Variants in PCDH9 observed in about 807,000 individuals in gnomAD.
PCDH9 encodes protocadherin-9.
In PCDH9, 24 loss-of-function variants were observed where a neutral mutation model predicts 70.6. The observed-to-expected ratio is 0.34, with a 90% CI of 0.25 to 0.48. PCDH9 has a LOEUF of 0.48. Among genes scored for constraint, PCDH9 ranks in the 20% least tolerant of loss-of-function variants. The pLI is 0.99. For missense variants in PCDH9, 1,281 were observed against 1,503.6 expected (o/e 0.85, Z 2.45); for synonymous variants, 562 against 558.5 (o/e 1.01, Z -0.09).
chr13:67,079,670 A>G (rs1641064796), intron 2 of PCDH9, among the ~76,000 whole-genome samples: 1 of 152,272 alleles, frequency 6.6e-6, no homozygotes, highest in Non-Finnish European at 1.5e-5. Flanking sequence ...TTTGCATCAG[A>G]TTAATCTTCC....
intron 3 of PCDH9, among the ~76,000 whole-genome samples, chr13:66,712,688 A>G (rs1473038516): frequency 6.6e-6 from 1 of 152,072 alleles, no homozygotes; most frequent in Non-Finnish European, 1.5e-5. Context: ...TCCAATTTTT[A>G]TTTTCTATTG....
intron 4 of PCDH9, among the ~76,000 whole-genome samples, chr13:66,579,765 A>C (rs1226965822): frequency 1.3e-5 from 2 of 152,080 alleles, no homozygotes; most frequent in Non-Finnish European, 2.9e-5. Flanking sequence ...TCTGAGGAGA[A>C]AAAGAAGGAT....
chr13:66,745,130 C>T (rs2079339427), intron 3 of PCDH9, among the ~76,000 whole-genome samples: 1 of 152,060 alleles, frequency 6.6e-6, no homozygotes. Flanking sequence ...GTTTTGAAGA[C>T]CAAGTTGATG....
intron 4 of PCDH9, among the ~76,000 whole-genome samples, chr13:66,445,199 A>C (rs977449776): frequency 2.0e-5 from 3 of 146,990 alleles, no homozygotes; most frequent in Non-Finnish European, 4.5e-5. Flanking sequence ...CATGTAGTAC[A>C]CTTCAAATAT....
At chr13:66,624,408 G>A (rs768792985) in intron 4 of PCDH9, among the ~76,000 whole-genome samples, 9 of 152,208 alleles carry the variant, frequency 5.9e-5, no homozygotes, top group Non-Finnish European at 1.0e-4. Context: ...AATTCAGTGC[G>A]ATAAATACTG....
At chr13:67,148,301 A>C (rs1018444262) in intron 2 of PCDH9, among the ~76,000 whole-genome samples, 1 of 152,032 alleles carries the variant, frequency 6.6e-6, no homozygotes, top group African/African-American at 2.4e-5. Flanking sequence ...AGATTTCTTC[A>C]AGACCATTTC....
intron 3 of PCDH9, among the ~76,000 whole-genome samples, chr13:66,765,662 C>T (rs892692293): frequency 7.2e-5 from 11 of 152,168 alleles, no homozygotes; most frequent in African/African-American, 2.4e-4. Flanking sequence ...GTTAGGAATA[C>T]TAAAGGATAG....
chr13:66,794,979 A>G (rs74093613), intron 3 of PCDH9, among the ~76,000 whole-genome samples: 3 of 145,398 alleles, frequency 2.1e-5, no homozygotes, highest in African/African-American at 8.4e-5. Context: ...ACACACAGGC[A>G]CACACACACA....
At chr13:66,829,447 A>T (rs781108660) in intron 3 of PCDH9, among the ~76,000 whole-genome samples, 1 of 152,062 alleles carries the variant, frequency 6.6e-6, no homozygotes, top group Non-Finnish European at 1.5e-5. Context: ...TTGGACTGGG[A>T]TTGGGAGAGG....
At chr13:66,815,734 A>G (rs1842275146) in intron 3 of PCDH9, among the ~76,000 whole-genome samples, 1 of 152,138 alleles carries the variant, frequency 6.6e-6, no homozygotes, top group South Asian at 2.1e-4. Flanking sequence ...CACAAAGAAG[A>G]GAAAAATAGA....
intron 4 of PCDH9, among the ~76,000 whole-genome samples, chr13:66,438,358 A>G (rs114527020): frequency 0.014 from 2,125 of 152,310 alleles, 40 homozygotes; most frequent in African/African-American, 0.048. Flanking sequence ...TTTGACATCA[A>G]AGGTAAACTA....
chr13:66,992,841 T>C (rs1490481135), intron 2 of PCDH9, among the ~76,000 whole-genome samples: 1 of 151,944 alleles, frequency 6.6e-6, no homozygotes, highest in Non-Finnish European at 1.5e-5. Flanking sequence ...CAGTTGTCTT[T>C]ATTAGCATGT....
intron 2 of PCDH9, among the ~76,000 whole-genome samples, chr13:66,986,656 T>C (rs2083897398): frequency 6.6e-6 from 1 of 152,026 alleles, no homozygotes; most frequent in Admixed American, 6.6e-5. Context: ...AATACTTCTA[T>C]AGCAGACTTT....
rs116472034 is a variant in PCDH9 at position 67,149,801 on chromosome 13, A to G, written c.3036+75604T>C. Reference sequence around the variant, plus strand: ...GTATGGCATTTGAGTTCTAAAAACTATGCTTTTAGCCGAACACTTTCATGC... The same window carrying G: ...GTATGGCATTTGAGTTCTAAAAACTGTGCTTTTAGCCGAACACTTTCATGC... On this transcript the variant is annotated intron_variant, in intron 2 of 4. Coordinates refer to ENST00000377865, the MANE Select transcript of PCDH9 (RefSeq NM_203487.3). 3.8e-3 allele frequency among the ~76,000 whole-genome samples: 583 copies of G among 152,248 alleles called. 10 individuals are homozygous for G. The highest frequency in any genetic ancestry group is 0.013 in the African/African-American group (549 of 41,556).
At chr13:66,700,812 A>G (rs1222666965) in intron 3 of PCDH9, among the ~76,000 whole-genome samples, 1 of 151,238 alleles carries the variant, frequency 6.6e-6, no homozygotes, top group Non-Finnish European at 1.5e-5. Context: ...ATGTAAAATG[A>G]AAATAATTCT....
chr13:67,125,683 G>C (rs1271993943), intron 2 of PCDH9, among the ~76,000 whole-genome samples: 1 of 151,980 alleles, frequency 6.6e-6, no homozygotes, highest in African/African-American at 2.4e-5. Flanking sequence ...AGTAGAATAG[G>C]TTCTCCATCA....
intron 2 of PCDH9, among the ~76,000 whole-genome samples, chr13:67,045,226 T>C (rs188605154): frequency 6.6e-6 from 1 of 152,282 alleles, no homozygotes; most frequent in Non-Finnish European, 1.5e-5. Context: ...ATGTGATCAA[T>C]GTTCTCAGTT....
At chr13:67,043,459 T>C (rs556137755) in intron 2 of PCDH9, among the ~76,000 whole-genome samples, 9 of 152,272 alleles carry the variant, frequency 5.9e-5, no homozygotes, top group African/African-American at 2.2e-4. Context: ...ATCGAAAGTT[T>C]CTTTCTCTGT....
chr13:66,448,552 T>G lies in PCDH9; in HGVS notation c.3341-143524A>C, dbSNP rs1248001436. On this transcript the variant is annotated intron_variant, in intron 4 of 4. Coordinates refer to ENST00000377865, the MANE Select transcript of PCDH9 (RefSeq NM_203487.3). Reference sequence around the variant, plus strand: ...AAAATCTTAGTGTAAACGGAAATGTTTGAAATTCCATATACAGACCTGTCT... The same window carrying G: ...AAAATCTTAGTGTAAACGGAAATGTGTGAAATTCCATATACAGACCTGTCT... 1.1e-4 allele frequency among the ~76,000 whole-genome samples: 16 copies of G among 152,296 alleles called. No individual in the cohort carries two copies. The South Asian group carries it at 3.1e-3, about 30-fold the overall frequency.
Sources: allele counts gnomAD v4.1 joint callset (sites outside exome capture counted in the v4.1 genomes callset), GRCh38; gene constraint gnomAD v4.1.1; transcripts MANE v1.5; gene names NCBI Gene and HGNC (gene_info 2026-07-23, HGNC 2026-07-21).